The following GRIK2 variants were observed in gnomAD, a reference collection of about 807,000 sequenced individuals.
The protein encoded by GRIK2 is glutamate ionotropic receptor kainate type subunit 2, also known as glutamate receptor ionotropic, kainate 2.
In GRIK2, 32 loss-of-function variants were observed where a neutral mutation model predicts 100.3. The observed-to-expected ratio is 0.32, with a 90% CI of 0.24 to 0.43. The LOEUF (loss-of-function observed/expected upper bound fraction) is 0.43, where lower values mean the gene tolerates loss of function less well. Ranked by LOEUF, GRIK2 falls within the 20% of genes least tolerant of loss-of-function variation. The probability of loss-of-function intolerance (pLI) is 1.00; values close to 1 mark genes in which losing one functional copy is unlikely to be tolerated. For synonymous variants in GRIK2, 417 were observed against 389.4 expected, an observed-to-expected ratio of 1.07 and a Z score of -0.83; for missense variants, 843 against 1,114.9, an observed-to-expected ratio of 0.76 and a Z score of 3.47.
chr6:101,544,804 A>G (rs1211712094), intron 2 of GRIK2, among the ~76,000 whole-genome samples: 3 of 152,198 alleles, frequency 2.0e-5, no homozygotes. Flanking sequence ...AATTTGTTCA[A>G]GGTCATCCAA....
chr6:101,559,214 C>T (rs1295721623), intron 2 of GRIK2, among the ~76,000 whole-genome samples: 1 of 151,658 alleles, frequency 6.6e-6, no homozygotes, highest in Admixed American at 6.6e-5. Flanking sequence ...TTTTTTTATA[C>T]CAGAGTTAAA....
At chr6:102,022,678 G>A (rs1316098637) in intron 14 of GRIK2, among the ~76,000 whole-genome samples, 1 of 151,212 alleles carries the variant, frequency 6.6e-6, no homozygotes, top group South Asian at 2.1e-4. Context: ...TTTTTTTTCT[G>A]AAGATACATC....
At chr6:101,433,019 C>T (rs949185108) in intron 2 of GRIK2, among the ~76,000 whole-genome samples, 1 of 152,068 alleles carries the variant, frequency 6.6e-6, no homozygotes, top group African/African-American at 2.4e-5. Context: ...ACTCAGAGGT[C>T]GAGTGTTTGA....
intron 9 of GRIK2, among the ~76,000 whole-genome samples, chr6:101,803,530 A>G (rs1780802851): frequency 6.6e-6 from 1 of 151,928 alleles, no homozygotes; most frequent in Non-Finnish European, 1.5e-5. Flanking sequence ...TATTCATGAG[A>G]CAGTCCCTTC....
chr6:102,058,277 G>A (rs1771563701), intron 16 of GRIK2, among the ~76,000 whole-genome samples: 1 of 151,606 alleles, frequency 6.6e-6, no homozygotes, highest in South Asian at 2.1e-4. Flanking sequence ...CAAATACCTA[G>A]TATTTTTTGT....
intron 7 of GRIK2, among the ~76,000 whole-genome samples, chr6:101,745,379 T>C (rs181899443): frequency 6.0e-4 from 91 of 152,276 alleles, no homozygotes; most frequent in South Asian, 2.3e-3. Context: ...CAGACCCTCA[T>C]AGAAAACAGC....
chr6:101,678,384 T>C (rs1770995704), intron 5 of GRIK2, among the ~76,000 whole-genome samples: 1 of 152,106 alleles, frequency 6.6e-6, no homozygotes, highest in African/African-American at 2.4e-5. Flanking sequence ...TTTAAATACA[T>C]ATAACAGAAA....
chr6:101,719,569 T>C (rs1774328244), intron 7 of GRIK2, among the ~76,000 whole-genome samples: 2 of 151,946 alleles, frequency 1.3e-5, no homozygotes, highest in Admixed American at 6.6e-5. Context: ...ATAATAACAT[T>C]AGGACTTTGG....
intron 2 of GRIK2, among the ~76,000 whole-genome samples, chr6:101,462,473 T>C (rs1771370730): frequency 1.1e-5 from 1 of 91,652 alleles, no homozygotes; most frequent in African/African-American, 4.6e-5. Flanking sequence ...AAGATACTAC[T>C]CTAAAAAAGA....
At position 102,069,138 on chromosome 6, in the gene GRIK2, T is replaced by A. The variant is rs1772153128; in HGVS notation, c.*627T>A. 7.0e-6 allele frequency: 1 copy of A among 142,420 alleles called. No individual in the cohort carries two copies. The highest frequency in any genetic ancestry group is 1.5e-5 in the Non-Finnish European group (1 of 66,034). The allele number at this position is 142,420 out of a possible 1,614,324, so 8.8% of individuals were successfully genotyped here. A position where few individuals can be genotyped will look rare whatever the true frequency, so the allele number is the denominator to read the frequency against. ...TTATTTTCCTTTTTTCTTTTCTTAT[T>A]TTTTTTTTTGACAGTCTGTGTCACT... On this transcript the variant is annotated 3_prime_UTR_variant, in exon 17 of 17. Coordinates refer to ENST00000369134, the MANE Select transcript of GRIK2 (RefSeq NM_021956.5).
chr6:102,067,271 ACT>A (rs1772064907), intron 16 of GRIK2, among the ~76,000 whole-genome samples: 1 of 151,524 alleles, frequency 6.6e-6, no homozygotes. Context: ...ACACTTATTC[ACT>A]CTTTTAGCAC....
intron 7 of GRIK2, among the ~76,000 whole-genome samples, chr6:101,725,679 C>T (rs964707874): frequency 2.6e-5 from 4 of 152,012 alleles, no homozygotes; most frequent in South Asian, 2.1e-4. Flanking sequence ...ACATGTTTAC[C>T]TTAGCTATGC....
intron 2 of GRIK2, among the ~76,000 whole-genome samples, chr6:101,581,781 A>C (rs1778111022): frequency 6.6e-6 from 1 of 152,142 alleles, no homozygotes; most frequent in Admixed American, 6.6e-5. Flanking sequence ...GTAAAATACT[A>C]AATAAAATGT....
At chr6:101,935,870 A>G (rs1030933518) in intron 14 of GRIK2, among the ~76,000 whole-genome samples, 1 of 152,040 alleles carries the variant, frequency 6.6e-6, no homozygotes, top group Non-Finnish European at 1.5e-5. Flanking sequence ...CTAAAACAAA[A>G]TGTTCCTCAA....
intron 11 of GRIK2, among the ~76,000 whole-genome samples, chr6:101,870,401 T>C (rs766058958): frequency 7.9e-5 from 12 of 151,860 alleles, no homozygotes; most frequent in Non-Finnish European, 1.0e-4. Context: ...AAACTACTTA[T>C]AATCAGGAAT....
rs142652073 is a variant in GRIK2, at chr6:101,607,184, C to T, written c.116-14765C>T. ...ATTCTTGAAAGTTGGGTTGGGAAAC[C>T]GTTTCAGTTGTGGCTTATGTATATT... On this transcript the variant is annotated intron_variant, in intron 2 of 16. Coordinates refer to ENST00000369134, the MANE Select transcript of GRIK2 (RefSeq NM_021956.5). Among the ~76,000 whole-genome samples the T allele has an allele frequency of 5.3e-5, 8 of 151,986 alleles. 1 individual carries two copies. Among genetic ancestry groups the T allele is most frequent in the African/African-American group, 1.9e-4 (8 of 41,508 alleles).
At position 101,908,567 on chromosome 6, in the gene GRIK2, T is replaced by TA. The variant is rs1326992072; in HGVS notation, c.1749-16028dup. ...TAGGACCTATAAGTTAATGTTACCATAAAAAAGATCCAGGGAAGAGGAAGA... is the reference window on the plus strand; with the variant it reads ...TAGGACCTATAAGTTAATGTTACCATAAAAAAAGATCCAGGGAAGAGGAAGA... On this transcript the variant is annotated intron_variant, in intron 12 of 16. Transcript: ENST00000369134. Among the ~76,000 whole-genome samples, 3 of 151,112 alleles carry TA rather than the reference T, an allele frequency of 2.0e-5. No homozygotes were observed. The Admixed American group carries it at 2.0e-4, about 10-fold the overall frequency.
intron 10 of GRIK2, among the ~76,000 whole-genome samples, chr6:101,831,551 G>A (rs1349600646): frequency 6.6e-6 from 1 of 152,080 alleles, no homozygotes; most frequent in African/African-American, 2.4e-5. Flanking sequence ...CTCTACAGAA[G>A]TAAGAGTACA....
intron 9 of GRIK2, among the ~76,000 whole-genome samples, chr6:101,805,218 A>G (rs1463023854): frequency 6.6e-6 from 1 of 151,770 alleles, no homozygotes; most frequent in African/African-American, 2.4e-5. Flanking sequence ...ATAGATGGTG[A>G]TCCAAGAGGC....
Sources: gnomAD v4.1 joint callset for allele counts (sites outside exome capture counted in the v4.1 genomes callset) on GRCh38, gnomAD v4.1.1 for gene constraint, MANE v1.5 for transcripts, NCBI Gene and HGNC (gene_info 2026-07-23, HGNC 2026-07-21) for gene names.